CDHR1: variants seen among roughly 807,000 people sequenced by gnomAD.
The protein encoded by CDHR1 is cadherin-related family member 1.
CDHR1 carries 61 observed loss-of-function variants against 72.1 expected under a neutral mutation model. That is an observed-to-expected ratio of 0.85 (90% CI 0.69 to 1.05). The LOEUF (loss-of-function observed/expected upper bound fraction) is 1.05, where lower values mean the gene tolerates loss of function less well. Among genes scored for constraint, CDHR1 ranks in the 50% least tolerant of loss-of-function variants. CDHR1 has a pLI of 0.00. For missense variants in CDHR1, 1,186 were observed against 1,115.7 expected, an observed-to-expected ratio of 1.06 and a Z score of -0.90; for synonymous variants, 470 against 448.1, an observed-to-expected ratio of 1.05 and a Z score of -0.62.
Position 84,214,350 on chromosome 10 carries a change from A to G in CDHR1, c.2309A>G (p.Lys770Arg), listed in dbSNP as rs1324437233. The G allele has an allele frequency of 6.2e-7, 1 of 1,614,202 alleles. No individual in the cohort carries two copies. The highest frequency in any genetic ancestry group is 1.7e-5 in the Admixed American group (1 of 60,032). The change falls in exon 17 of 17, where the codon AAA becomes AGA. Residue 770 changes from lysine (K) to arginine (R), a missense_variant. Transcript: ENST00000623527. ...AAAGCCGCTACCAAGTTCATGCTCA[A>G]AGAGAAACCTCCCAATGAGAACTGT... Reference protein sequence around the residue: ...STKAATKFMLKEKPPNENCNN... With the variant: ...STKAATKFMLREKPPNENCNN...
At chr10:84,204,892 A>C (rs1449831381) in intron 9 of CDHR1, among the ~76,000 whole-genome samples, 2 of 152,204 alleles carry the variant, frequency 1.3e-5, no homozygotes, top group Non-Finnish European at 2.9e-5. Context: ...CTTGATGGGA[A>C]TGCGTGGCAA....
At position 84,201,812 on chromosome 10, in the gene CDHR1, G is replaced by T. The variant is rs528514743; in HGVS notation, c.531G>T (p.Leu177=). The change falls in exon 7 of 17, where the codon CTG becomes CTT. Residue 177 remains leucine, a synonymous_variant. Coordinates refer to ENST00000623527, the MANE Select transcript of CDHR1 (RefSeq NM_033100.4). Reference sequence around the variant, plus strand: ...CTGCCCCCTAATTCTTATAGAACCTGCACTCCCCATTTGCCGTGGACCGCC... The same window carrying T: ...CTGCCCCCTAATTCTTATAGAACCTTCACTCCCCATTTGCCGTGGACCGCC... ...GGSVTYFLQN[L]HSPFAVDRHS... 12 of 1,610,104 alleles carry T rather than the reference G, an allele frequency of 7.5e-6. No individual in the cohort carries two copies. In the South Asian group the frequency reaches 1.1e-4, roughly 15 times the overall value.
In CDHR1 at chr10:84,206,580, T is replaced by C. The variant is rs534467289; in HGVS notation, c.963+653T>C. The stretch of plus-strand genomic sequence containing the variant: ...CCTACCCAAGAGCAGTAAGGAGCCA[T>C]TGGAAGGTTTTCAGCAGGATTACAG... On this transcript the variant is annotated intron_variant, in intron 10 of 16. Coordinates refer to ENST00000623527, the MANE Select transcript of CDHR1 (RefSeq NM_033100.4). 6.2e-4 allele frequency among the ~76,000 whole-genome samples: 95 copies of C among 152,296 alleles called. 1 individual carries two copies. In the Middle Eastern group the frequency reaches 0.024, roughly 38 times the overall value.
Position 84,218,084 on chromosome 10 carries a change from G to A in CDHR1, c.*3463G>A, listed in dbSNP as rs1842455257. ...CCAGGGGTGTTGGCATCTGTTGACA[G>A]GCAGTGGCACATCCTGACAGTCTTC... On this transcript the variant is annotated 3_prime_UTR_variant, in exon 17 of 17. Transcript: ENST00000623527. 1 of 985,502 alleles carries A rather than the reference G, an allele frequency of 1.0e-6. No individual in the cohort carries two copies. Among genetic ancestry groups the A allele is most frequent in the East Asian group, 1.1e-4 (1 of 8,820 alleles). The allele number at this position is 985,502 out of a possible 1,614,324, so 61.0% of individuals were successfully genotyped here.
chr10:84,197,872 C>A lies in CDHR1; in HGVS notation c.348+36C>A, dbSNP rs556564516. The A allele has an allele frequency of 3.1e-6, 5 of 1,600,000 alleles. No individual in the cohort carries two copies. The African/African-American group carries it at 5.3e-5, about 17-fold the overall frequency. ...GTCCAAGGCAGTCCCTGGCAGCCTGCAGTATTTGGGCCTGAGAAGGGTGAG... is the reference window on the plus strand; with the variant it reads ...GTCCAAGGCAGTCCCTGGCAGCCTGAAGTATTTGGGCCTGAGAAGGGTGAG... On this transcript the variant is annotated intron_variant, in intron 4 of 16. Coordinates refer to ENST00000623527, the MANE Select transcript of CDHR1 (RefSeq NM_033100.4).
chr10:84,195,703 T>C, intron 2 of CDHR1, 114 bp downstream of exon 2: 1 of 849,740 alleles, frequency 1.2e-6, no homozygotes, highest in South Asian at 1.4e-5. Context: ...GGGGGCTCCT[T>C]GTTTGCTCTC....
Position 84,217,277 on chromosome 10 carries a change from G to A in CDHR1, c.*2656G>A, listed in dbSNP as rs995088917. ...AGGCCTCCAGGGAAAGAGCTGGGAGGCAGGAATGGCACACTGGGCAGGCTT... is the reference window on the plus strand; with the variant it reads ...AGGCCTCCAGGGAAAGAGCTGGGAGACAGGAATGGCACACTGGGCAGGCTT... On this transcript the variant is annotated 3_prime_UTR_variant, in exon 17 of 17. Coordinates refer to ENST00000623527, the MANE Select transcript of CDHR1 (RefSeq NM_033100.4). 2.0e-6 allele frequency: 2 copies of A among 985,390 alleles called. No homozygotes were observed. The highest frequency in any genetic ancestry group is 1.7e-5 in the African/African-American group (1 of 57,250). The allele number at this position is 985,390 out of a possible 1,614,324, so 61.0% of individuals were successfully genotyped here.
chr10:84,216,592 A>T lies in CDHR1; in HGVS notation c.*1971A>T. 1 of 985,486 alleles carries T rather than the reference A, an allele frequency of 1.0e-6. No homozygotes were observed. The allele number at this position is 985,486 out of a possible 1,614,324, so 61.0% of individuals were successfully genotyped here. A position where few individuals can be genotyped will look rare whatever the true frequency, so the allele number is the denominator to read the frequency against. ...ACCTGTGGAGACCAGTCTTTCTGAC[A>T]CACAGTGAAGCTCAACTTGCCTCCT... On this transcript the variant is annotated 3_prime_UTR_variant, in exon 17 of 17. Transcript: ENST00000623527.
intron 4 of CDHR1, 21 bp from the exon 5 acceptor site, chr10:84,199,011 G>A (rs776455089): frequency 1.3e-6 from 2 of 1,547,046 alleles, no homozygotes; most frequent in South Asian, 2.4e-5. Flanking sequence ...ACTGGCTCTT[G>A]ACCCCTCTGC....
rs144684663 is a variant in CDHR1 at position 84,217,670 on chromosome 10, T to A, written c.*3049T>A. On this transcript the variant is annotated 3_prime_UTR_variant, in exon 17 of 17. Coordinates refer to ENST00000623527, the MANE Select transcript of CDHR1 (RefSeq NM_033100.4). Reference sequence around the variant, plus strand: ...CTGTGGCCCACATACTAGAACACCATGTCCTGAAAGAGAGGACCCCCTCCA... The same window carrying A: ...CTGTGGCCCACATACTAGAACACCAAGTCCTGAAAGAGAGGACCCCCTCCA... The A allele has an allele frequency of 8.2e-4, 811 of 985,504 alleles. No homozygotes were observed. The highest frequency in any genetic ancestry group is 3.7e-3 in the Middle Eastern group (7 of 1,914). 61.0% of individuals were successfully genotyped at this position (985,504 alleles called of 1,614,324 possible). A position where few individuals can be genotyped will look rare whatever the true frequency, so the allele number is the denominator to read the frequency against.
intron 8 of CDHR1, among the ~76,000 whole-genome samples, chr10:84,204,243 G>A (rs1242397607): frequency 6.6e-6 from 1 of 152,122 alleles, no homozygotes; most frequent in Non-Finnish European, 1.5e-5. Flanking sequence ...GTGGTGTGTG[G>A]GCCAGGAGTT....
Position 84,201,825 on chromosome 10 carries a change from G to A in CDHR1, c.544G>A (p.Ala182Thr). 6.2e-7 allele frequency: 1 copy of A among 1,610,448 alleles called. No homozygotes were observed. The highest frequency in any genetic ancestry group is 2.2e-5 in the East Asian group (1 of 44,878). ...CTTATAGAACCTGCACTCCCCATTT[G>A]CCGTGGACCGCCACAGCGGTGTGCT... ...YFLQNLHSPF[A>T]VDRHSGVLRL... Residue 182 changes from alanine (A) to threonine (T), a missense_variant, in exon 7 of 17, where the codon GCC becomes ACC. Transcript: ENST00000623527.
intron 13 of CDHR1, 41 bp downstream of exon 13, chr10:84,211,206 GCCT>G: frequency 6.2e-7 from 1 of 1,602,840 alleles, no homozygotes; most frequent in Non-Finnish European, 8.5e-7. Context: ...GGGATAGGAG[GCCT>G]TGTGAAGCCA....
intron 16 of CDHR1, 96 bp from the exon 17 acceptor site, chr10:84,213,986 T>C (rs1842382804): frequency 6.4e-7 from 1 of 1,552,688 alleles, no homozygotes; most frequent in East Asian, 2.2e-5. Context: ...CTCCAGAAAG[T>C]TTAAAAACCA....
chr10:84,205,683 C>A, intron 9 of CDHR1, 144 bp from the exon 10 acceptor site: 1 of 701,278 alleles, frequency 1.4e-6, no homozygotes, highest in Non-Finnish European at 2.6e-6. Flanking sequence ...CCCTCTGAGA[C>A]TGTTTCCATG....
At chr10:84,197,991 G>C (rs1290586702) in intron 4 of CDHR1, among the ~76,000 whole-genome samples, 155 bp downstream of exon 4, 1 of 152,176 alleles carries the variant, frequency 6.6e-6, no homozygotes, top group Non-Finnish European at 1.5e-5. Flanking sequence ...CACAGGAGAG[G>C]GCTGCAGCAA....
chr10:84,210,936 G>A (rs2132826768), intron 12 of CDHR1, 65 bp from the exon 13 acceptor site: 1 of 1,539,068 alleles, frequency 6.5e-7, no homozygotes, highest in East Asian at 2.2e-5. Context: ...GGGGAGATGA[G>A]GTGGGAAGGC....
intron 3 of CDHR1, among the ~76,000 whole-genome samples, chr10:84,197,400 A>AGGTGGAGAGG (rs1318411548): frequency 4.6e-5 from 7 of 152,212 alleles, no homozygotes; most frequent in South Asian, 2.1e-4. Context: ...GAGCCCTGGA[A>AGGTGGAGAGG]TGTGGAGAGG....
At chr10:84,198,396 GCAC>G (rs1318963486) in intron 4 of CDHR1, among the ~76,000 whole-genome samples, 1 of 152,084 alleles carries the variant, frequency 6.6e-6, no homozygotes, top group Non-Finnish European at 1.5e-5. Context: ...TCCTCGTTGG[GCAC>G]CATCTGCCTC....
Sources: gnomAD v4.1 joint callset for allele counts (sites outside exome capture counted in the v4.1 genomes callset) on GRCh38, gnomAD v4.1.1 for gene constraint, MANE v1.5 for transcripts, NCBI Gene and HGNC (gene_info 2026-07-23, HGNC 2026-07-21) for gene names.